Variants in PHF11 observed in about 807,000 individuals in gnomAD.
PHF11 encodes the protein PHD finger protein 11.
Under a neutral mutation model 40.5 loss-of-function variants are expected in PHF11, and 38 were observed. That is an observed-to-expected ratio of 0.94 (90% confidence interval 0.72 to 1.23). PHF11 has a LOEUF of 1.23. Among genes scored for constraint, PHF11 ranks in the 50% most tolerant of loss-of-function variants. The pLI, the probability that PHF11 is intolerant of heterozygous loss-of-function variation, is 0.00. For synonymous variants in PHF11, 127 were observed against 138.2 expected, an observed-to-expected ratio of 0.92 and a Z score of 0.57; for missense variants, 369 against 392.4, an observed-to-expected ratio of 0.94 and a Z score of 0.50.
intron 8 of PHF11, 32 bp downstream of exon 8, chr13:49,524,248 G>C: frequency 1.3e-6 from 2 of 1,528,830 alleles, no homozygotes; most frequent in Non-Finnish European, 1.8e-6. Context: ...TCGAAGTATA[G>C]AGACTTCTCC....
At chr13:49,518,834 AT>A (rs11402611) in intron 4 of PHF11, 53,290 of 128,512 alleles carry the variant, frequency 0.41, 10,005 homozygotes, top group Middle Eastern at 0.51. Flanking sequence ...TTGCTAAATA[AT>A]TTTTTTTTTT....
At chr13:49,504,499 G>C (rs1283823178) in intron 1 of PHF11, among the ~76,000 whole-genome samples, 1 of 63,664 alleles carries the variant, frequency 1.6e-5, no homozygotes, top group Admixed American at 1.7e-4. Flanking sequence ...CAGCCGCCCC[G>C]TCCGGGAGGT....
At chr13:49,515,223 T>C (rs1257713018) in intron 3 of PHF11, among the ~76,000 whole-genome samples, 1 of 151,978 alleles carries the variant, frequency 6.6e-6, no homozygotes, top group Admixed American at 6.6e-5. Flanking sequence ...TCTCACAGCA[T>C]TTATGGAACT....
intron 9 of PHF11, among the ~76,000 whole-genome samples, chr13:49,527,654 A>T (rs932572951): frequency 2.0e-5 from 3 of 152,090 alleles, no homozygotes; most frequent in Admixed American, 6.6e-5. Context: ...AGCCTTAAAA[A>T]TTTTTTTCTA....
chr13:49,496,108 GGGGCGGGCGGGC>G lies in PHF11; in HGVS notation c.94+25_94+36del, dbSNP rs370049093. The G allele has an allele frequency of 1.9e-5, 13 of 691,690 alleles. No individual in the cohort carries two copies. Among genetic ancestry groups the G allele is most frequent in the African/African-American group, 3.8e-5 (2 of 52,544 alleles). The allele number at this position is 691,690 out of a possible 1,614,324, so 42.8% of individuals were successfully genotyped here. A position where few individuals can be genotyped will look rare whatever the true frequency, so the allele number is the denominator to read the frequency against. On this transcript the variant is annotated intron_variant, in intron 1 of 9. Transcript: ENST00000378319. ...CTCCTTCCCACCGGTGTGTACCGCG[GGGGCGGGCGGGC>G]GGGCGGGCGGGGCTGGGCAGCGACG...
At position 49,501,010 on chromosome 13, in the gene PHF11, TTTTTTGG is replaced by T. The variant is rs1479212410; in HGVS notation, c.94+4921_94+4927del. ...GAGTCACCAACTTTTGTTTTTTTTT[TTTTTTGG>T]TTTTTTTTTTTCTGAAATGGAGTTT... On this transcript the variant is annotated intron_variant, in intron 1 of 9. Coordinates refer to ENST00000378319, the MANE Select transcript of PHF11 (RefSeq NM_001040443.3). 7.3e-3 allele frequency among the ~76,000 whole-genome samples: 885 copies of T among 121,040 alleles called. 66 individuals are homozygous for T. Among genetic ancestry groups the T allele is most frequent in the African/African-American group, 0.035 (851 of 24,184 alleles). The allele number at this position is 121,040 out of a possible 152,430, so 79.4% of individuals were successfully genotyped here.
intron 4 of PHF11, 100 bp from the exon 5 acceptor site, chr13:49,520,794 T>A: frequency 1.2e-6 from 1 of 805,990 alleles, no homozygotes. Context: ...GACGCCGTCA[T>A]GAAAAGTAGG....
rs1466774015 is a variant in PHF11, at chr13:49,523,986, C to T, written c.638-99C>T. 8.4e-6 allele frequency: 7 copies of T among 832,828 alleles called. No individual in the cohort carries two copies. The East Asian group carries it at 1.8e-4, about 22-fold the overall frequency. 51.6% of individuals were successfully genotyped at this position (832,828 alleles called of 1,614,324 possible). On this transcript the variant is annotated intron_variant, in intron 7 of 9. Coordinates refer to ENST00000378319, the MANE Select transcript of PHF11 (RefSeq NM_001040443.3). ...GCTGTATTATTTTACTAAGTATGTG[C>T]ATCCACCACTAGGCAAGGTCTGAAG...
At chr13:49,506,212 A>G (rs1420690391) in intron 1 of PHF11, among the ~76,000 whole-genome samples, 4 of 151,594 alleles carry the variant, frequency 2.6e-5, no homozygotes, top group Middle Eastern at 3.4e-3. Context: ...AGCCTTGGCA[A>G]GGTAGCAAGA....
intron 1 of PHF11, chr13:49,497,135 A>C (rs190376055): frequency 1.0e-4 from 130 of 1,289,396 alleles, no homozygotes; most frequent in Admixed American, 4.8e-4. Context: ...AAACCACAAA[A>C]CGTCACACGT....
intron 7 of PHF11, 178 bp from the exon 8 acceptor site, chr13:49,523,907 T>C (rs973520608): frequency 2.5e-6 from 1 of 392,364 alleles, no homozygotes; most frequent in Admixed American, 4.4e-5. Context: ...TTGTTTCAGC[T>C]GGCCAAAAAA....
intron 1 of PHF11, among the ~76,000 whole-genome samples, chr13:49,504,653 G>T (rs973693960): frequency 4.7e-5 from 7 of 150,316 alleles, no homozygotes; most frequent in Non-Finnish European, 1.0e-4. Context: ...GCCTCTGCCC[G>T]GCCGCCCCTA....
intron 1 of PHF11, among the ~76,000 whole-genome samples, chr13:49,498,819 C>T (rs1958860313): frequency 6.6e-6 from 1 of 152,220 alleles, no homozygotes; most frequent in African/African-American, 2.4e-5. Flanking sequence ...TTCTCTTAAA[C>T]ACACATGGGC....
chr13:49,521,992 A>G (rs753760135), intron 5 of PHF11, 51 bp from the exon 6 acceptor site: 10 of 894,052 alleles, frequency 1.1e-5, no homozygotes, highest in Admixed American at 1.9e-5. Context: ...GTAGTCAAAC[A>G]GTAATCTTTT....
chr13:49,525,883 TG>T, intron 8 of PHF11: 1 of 438,368 alleles, frequency 2.3e-6, no homozygotes, highest in South Asian at 1.6e-5. Flanking sequence ...TACCAAGAAT[TG>T]GGGGCCAGGC....
chr13:49,508,185 A>G (rs796361066), intron 2 of PHF11, among the ~76,000 whole-genome samples: 2 of 132,710 alleles, frequency 1.5e-5, no homozygotes, highest in East Asian at 2.8e-4. Context: ...TTATTAATGC[A>G]GTATGTATTA....
intron 3 of PHF11, among the ~76,000 whole-genome samples, chr13:49,516,703 C>T (rs774812983): frequency 6.6e-6 from 1 of 151,900 alleles, no homozygotes; most frequent in Non-Finnish European, 1.5e-5. Flanking sequence ...CTGGCTTCAG[C>T]CTCCCAAATA....
At chr13:49,525,728 C>A in intron 8 of PHF11, 2 of 432,394 alleles carry the variant, frequency 4.6e-6, no homozygotes, top group Non-Finnish European at 9.2e-6. Flanking sequence ...TAAGCATTTC[C>A]AAAAGCTCAT....
intron 2 of PHF11, among the ~76,000 whole-genome samples, chr13:49,512,105 C>T (rs549032918): frequency 1.2e-4 from 19 of 152,328 alleles, no homozygotes; most frequent in Middle Eastern, 3.4e-3. Context: ...TATATTGCAT[C>T]TCACTATGGC....
Sources: gnomAD v4.1 joint callset for allele counts (sites outside exome capture counted in the v4.1 genomes callset) on GRCh38, gnomAD v4.1.1 for gene constraint, MANE v1.5 for transcripts, NCBI Gene and HGNC (gene_info 2026-07-23, HGNC 2026-07-21) for gene names.